The following RFX3 variants were observed in gnomAD, a reference collection of about 807,000 sequenced individuals.
RFX3 encodes regulatory factor X3.
A neutral mutation model predicts 98.6 loss-of-function variants in RFX3; 14 were observed. The observed-to-expected ratio is 0.14, with a 90% CI of 0.09 to 0.22. The LOEUF (loss-of-function observed/expected upper bound fraction) is 0.22, where lower values mean the gene tolerates loss of function less well. Ranked by LOEUF, RFX3 falls within the 10% of genes least tolerant of loss-of-function variation. RFX3 has a pLI of 1.00. For synonymous variants in RFX3, 383 were observed against 328.4 expected, an observed-to-expected ratio of 1.17 and a Z score of -1.80; for missense variants, 639 against 926.9, an observed-to-expected ratio of 0.69 and a Z score of 4.03.
At chr9:3,517,950 T>C (rs957771842) in intron 1 of RFX3, among the ~76,000 whole-genome samples, 6 of 152,194 alleles carry the variant, frequency 3.9e-5, no homozygotes, top group South Asian at 2.1e-4. Flanking sequence ...AAAATTCCTA[T>C]AGCCCAGTGA....
chr9:3,295,014 T>C (rs2129755653), intron 5 of RFX3, among the ~76,000 whole-genome samples: 1 of 152,264 alleles, frequency 6.6e-6, no homozygotes, highest in Admixed American at 6.5e-5. Flanking sequence ...ATGAATCATC[T>C]ATAACTTGAT....
At chr9:3,279,375 G>T (rs1023608046) in intron 7 of RFX3, among the ~76,000 whole-genome samples, 1 of 151,740 alleles carries the variant, frequency 6.6e-6, no homozygotes, top group African/African-American at 2.4e-5. Flanking sequence ...GATTCACAGA[G>T]CTTGAATAAA....
intron 4 of RFX3, among the ~76,000 whole-genome samples, chr9:3,320,322 G>A (rs1454485748): frequency 2.0e-5 from 3 of 152,068 alleles, no homozygotes; most frequent in Non-Finnish European, 4.4e-5. Flanking sequence ...GGAAGCTGAG[G>A]CAGGCGGATC....
At chr9:3,263,176 A>C (rs1823148432) in intron 12 of RFX3, 92 bp from the exon 13 acceptor site, 2 of 1,344,396 alleles carry the variant, frequency 1.5e-6, no homozygotes, top group East Asian at 2.3e-5. Context: ...CACAAATTTT[A>C]AATGCTTGCC....
intron 1 of RFX3, among the ~76,000 whole-genome samples, chr9:3,423,778 C>CATATAT (rs61209874): frequency 0.072 from 7,956 of 110,566 alleles, 394 homozygotes; most frequent in East Asian, 0.13. Flanking sequence ...TATATATTTT[C>CATATAT]ATATATATAT....
At chr9:3,521,876 A>G (rs1477987380) in intron 1 of RFX3, among the ~76,000 whole-genome samples, 1 of 152,108 alleles carries the variant, frequency 6.6e-6, no homozygotes, top group Non-Finnish European at 1.5e-5. Context: ...GGGTGTGTAA[A>G]ATGTTCCTGT....
At chr9:3,258,072 T>G (rs912473250) in intron 13 of RFX3, among the ~76,000 whole-genome samples, 2 of 152,102 alleles carry the variant, frequency 1.3e-5, no homozygotes, top group Non-Finnish European at 2.9e-5. Flanking sequence ...ACGTAATATT[T>G]GACTGGGAAT....
intron 4 of RFX3, among the ~76,000 whole-genome samples, chr9:3,328,442 G>C (rs1333944708): frequency 6.6e-6 from 1 of 152,068 alleles, no homozygotes; most frequent in Non-Finnish European, 1.5e-5. Flanking sequence ...ATCCAGAAAA[G>C]CTATGGTTTA....
At chr9:3,420,741 A>C in intron 1 of RFX3, 1 of 971,798 alleles carries the variant, frequency 1.0e-6, no homozygotes, top group Non-Finnish European at 1.2e-6. Context: ...GTATCCTTCC[A>C]TAACTGCCTT....
rs560312287 is a variant in RFX3, at chr9:3,377,361, G to A, written c.117+18111C>T. 5.2e-3 allele frequency among the ~76,000 whole-genome samples: 787 copies of A among 152,172 alleles called. 7 individuals carry two copies. Among genetic ancestry groups the A allele is most frequent in the Middle Eastern group, 0.01 (3 of 294 alleles). ...TCGCAGGGACAAAAAACCAAACACC[G>A]CATGTTCTCACTCATAGGTGGGAAT... On this transcript the variant is annotated intron_variant, in intron 2 of 16. Coordinates refer to ENST00000617270, the MANE Select transcript of RFX3 (RefSeq NM_001282116.2).
intron 1 of RFX3, among the ~76,000 whole-genome samples, chr9:3,517,912 A>G (rs1486797346): frequency 6.6e-6 from 1 of 152,216 alleles, no homozygotes; most frequent in Non-Finnish European, 1.5e-5. Context: ...TCAACAACAA[A>G]CCACATCCCA....
intron 1 of RFX3, among the ~76,000 whole-genome samples, chr9:3,448,312 C>A (rs1211811763): frequency 6.6e-6 from 1 of 152,014 alleles, no homozygotes; most frequent in Non-Finnish European, 1.5e-5. Flanking sequence ...GAGTCAAAAA[C>A]CATTCTGTGC....
chr9:3,263,229 G>T (rs1449340581), intron 12 of RFX3, 145 bp from the exon 13 acceptor site: 2 of 807,580 alleles, frequency 2.5e-6, no homozygotes, highest in Non-Finnish European at 3.9e-6. Flanking sequence ...GAGTTTACTT[G>T]TAAATTACAG....
chr9:3,225,724 C>T (rs1281971471), intron 16 of RFX3, among the ~76,000 whole-genome samples: 1 of 152,138 alleles, frequency 6.6e-6, no homozygotes, highest in African/African-American at 2.4e-5. Context: ...TTTATCTATG[C>T]TAGCGTTAAT....
intron 14 of RFX3, among the ~76,000 whole-genome samples, chr9:3,253,377 C>T (rs544563472): frequency 6.6e-6 from 1 of 152,186 alleles, no homozygotes; most frequent in South Asian, 2.1e-4. Context: ...AACTAGGCAC[C>T]CTGTGCCTAC....
At chr9:3,514,599 C>T (rs1817969852) in intron 1 of RFX3, among the ~76,000 whole-genome samples, 1 of 152,070 alleles carries the variant, frequency 6.6e-6, no homozygotes, top group Admixed American at 6.6e-5. Flanking sequence ...CAGGCAGGCA[C>T]CACTGCACCC....
intron 2 of RFX3, among the ~76,000 whole-genome samples, chr9:3,371,337 T>C (rs1217535260): frequency 1.3e-5 from 2 of 152,198 alleles, no homozygotes; most frequent in Non-Finnish European, 2.9e-5. Context: ...GCACAATTAA[T>C]TCTTACTCTT....
intron 4 of RFX3, among the ~76,000 whole-genome samples, chr9:3,301,929 T>A (rs1027768291): frequency 6.6e-6 from 1 of 151,954 alleles, no homozygotes; most frequent in African/African-American, 2.4e-5. Flanking sequence ...CATTCTTGAC[T>A]TTCATAGTTC....
intron 1 of RFX3, among the ~76,000 whole-genome samples, chr9:3,434,862 C>T: frequency 6.6e-6 from 1 of 152,042 alleles, no homozygotes; most frequent in East Asian, 1.9e-4. Context: ...AGTGTTCTTA[C>T]ACAAACCTAG....
Sources: allele counts gnomAD v4.1 joint callset (sites outside exome capture counted in the v4.1 genomes callset), GRCh38; gene constraint gnomAD v4.1.1; transcripts MANE v1.5; gene names NCBI Gene and HGNC (gene_info 2026-07-23, HGNC 2026-07-21).